Variants in CDC42BPA observed in about 807,000 individuals in gnomAD.
The protein encoded by CDC42BPA is CDC42 binding protein kinase alpha.
CDC42BPA carries 80 observed loss-of-function variants against 223.5 expected under a neutral mutation model. The observed-to-expected ratio is 0.36, with a 90% CI of 0.30 to 0.43. The LOEUF (loss-of-function observed/expected upper bound fraction) is 0.43, where lower values mean the gene tolerates loss of function less well. Among genes scored for constraint, CDC42BPA ranks in the 20% least tolerant of loss-of-function variants. The pLI is 1.00. For synonymous variants in CDC42BPA, 694 were observed against 718.6 expected (o/e 0.97, Z 0.55); for missense variants, 1,743 against 2,099.9 (o/e 0.83, Z 3.32).
At chr1:227,036,279 A>C (rs539538189) in intron 24 of CDC42BPA, among the ~76,000 whole-genome samples, 1 of 152,180 alleles carries the variant, frequency 6.6e-6, no homozygotes, top group Non-Finnish European at 1.5e-5. Flanking sequence ...AAAATCATCC[A>C]AACATCTCAA....
At chr1:227,218,508 T>A (rs1467701683) in intron 2 of CDC42BPA, among the ~76,000 whole-genome samples, 1 of 152,224 alleles carries the variant, frequency 6.6e-6, no homozygotes, top group Non-Finnish European at 1.5e-5. Context: ...TACACCAATC[T>A]AAAGCAGATT....
chr1:227,314,372 T>C (rs189981384), intron 1 of CDC42BPA, among the ~76,000 whole-genome samples: 9 of 152,222 alleles, frequency 5.9e-5, no homozygotes, highest in African/African-American at 1.9e-4. Context: ...CTAGTGATCA[T>C]TGGCTTAATC....
intron 16 of CDC42BPA, among the ~76,000 whole-genome samples, chr1:227,087,048 G>T (rs1033541706): frequency 6.6e-6 from 1 of 152,040 alleles, no homozygotes; most frequent in Non-Finnish European, 1.5e-5. Flanking sequence ...CCCCATCTGT[G>T]CACGTCTTTT....
chr1:227,317,926 TC>T lies in CDC42BPA; in HGVS notation c.-745del, dbSNP rs1327909771. The stretch of plus-strand genomic sequence containing the variant: ...TTCCGGTGAAAACTCTTCATTTTCC[TC>T]CCGGCTTCACCCTAGGGCCTGACCG... On this transcript the variant is annotated 5_prime_UTR_variant, in exon 1 of 37. Coordinates refer to ENST00000366766, the MANE Select transcript of CDC42BPA (RefSeq NM_001394014.1). 5 of 398,228 alleles carry T rather than the reference TC, an allele frequency of 1.3e-5. No individual in the cohort carries two copies. The highest frequency in any genetic ancestry group is 1.8e-5 in the Non-Finnish European group (4 of 225,924). 24.7% of individuals were successfully genotyped at this position (398,228 alleles called of 1,614,324 possible).
chr1:227,207,455 G>A (rs1353454625), intron 3 of CDC42BPA, among the ~76,000 whole-genome samples: 4 of 146,072 alleles, frequency 2.7e-5, no homozygotes, highest in Non-Finnish European at 6.0e-5. Context: ...ATGCTGGTGC[G>A]CTGCACCCAC....
chr1:227,179,635 C>CAAAAA (rs59744442), intron 5 of CDC42BPA, among the ~76,000 whole-genome samples: 3,743 of 34,182 alleles, frequency 0.11, 1,166 homozygotes, highest in Non-Finnish European at 0.12. Context: ...GCCTCCATCT[C>CAAAAA]AAAAAAAAAA....
At chr1:227,121,673 A>G (rs1004098932) in intron 11 of CDC42BPA, among the ~76,000 whole-genome samples, 1 of 152,160 alleles carries the variant, frequency 6.6e-6, no homozygotes, top group East Asian at 1.9e-4. Context: ...ACTGTATTTT[A>G]TCACTTTATC....
chr1:227,111,999 T>C, intron 14 of CDC42BPA: 1 of 199,988 alleles, frequency 5.0e-6, no homozygotes, highest in Non-Finnish European at 1.0e-5. Flanking sequence ...ATTTATGAGA[T>C]ATATAGAGGG....
chr1:227,209,669 G>T (rs1181359083), intron 3 of CDC42BPA, among the ~76,000 whole-genome samples: 7 of 148,682 alleles, frequency 4.7e-5, no homozygotes, highest in Admixed American at 4.0e-4. Context: ...TTATTGATTT[G>T]CGTATATTGA....
At chr1:227,182,017 G>A (rs1490375788) in intron 5 of CDC42BPA, among the ~76,000 whole-genome samples, 1 of 152,014 alleles carries the variant, frequency 6.6e-6, no homozygotes, top group Non-Finnish European at 1.5e-5. Flanking sequence ...TTAAATATAA[G>A]GGGAAAATGA....
At chr1:227,077,074 T>C (rs1679640507) in intron 17 of CDC42BPA, among the ~76,000 whole-genome samples, 2 of 152,210 alleles carry the variant, frequency 1.3e-5, no homozygotes, top group Admixed American at 6.5e-5. Context: ...ACTTATTAAA[T>C]ACTATTGCAT....
At chr1:227,015,825 C>G (rs1479901543) in intron 34 of CDC42BPA, among the ~76,000 whole-genome samples, 1 of 152,128 alleles carries the variant, frequency 6.6e-6, no homozygotes, top group Non-Finnish European at 1.5e-5. Flanking sequence ...CAATAGTAAA[C>G]CTAGGCATGG....
chr1:227,250,947 G>C (rs1255202792), intron 2 of CDC42BPA, among the ~76,000 whole-genome samples: 1 of 152,094 alleles, frequency 6.6e-6, no homozygotes, highest in Non-Finnish European at 1.5e-5. Context: ...TAGCTACCCA[G>C]GATGCTGAGG....
chr1:227,129,037 T>C, intron 11 of CDC42BPA, 72 bp downstream of exon 11: 2 of 1,012,734 alleles, frequency 2.0e-6, no homozygotes, highest in South Asian at 1.6e-5. Flanking sequence ...TCTCAATAGA[T>C]GTTTTTTGTG....
intron 2 of CDC42BPA, among the ~76,000 whole-genome samples, chr1:227,247,166 C>CTCTA (rs1251552248): frequency 6.6e-6 from 1 of 151,886 alleles, no homozygotes; most frequent in Non-Finnish European, 1.5e-5. Context: ...TGTCACTGCA[C>CTCTA]TCTAGCCTGG....
intron 3 of CDC42BPA, among the ~76,000 whole-genome samples, chr1:227,205,746 C>T (rs1672610581): frequency 6.6e-6 from 1 of 152,016 alleles, no homozygotes; most frequent in Non-Finnish European, 1.5e-5. Flanking sequence ...GAAAATTGAG[C>T]CTTAGAAAGG....
chr1:227,119,413 A>C (rs1232134697), intron 12 of CDC42BPA, among the ~76,000 whole-genome samples: 1 of 152,120 alleles, frequency 6.6e-6, no homozygotes, highest in Admixed American at 6.5e-5. Flanking sequence ...AATAAATTTT[A>C]AATTATAATA....
At chr1:227,066,070 A>T (rs1293826323) in intron 21 of CDC42BPA, among the ~76,000 whole-genome samples, 1 of 152,156 alleles carries the variant, frequency 6.6e-6, no homozygotes, top group East Asian at 1.9e-4. Context: ...GGCACAGAGA[A>T]CAACAGAGAC....
intron 3 of CDC42BPA, among the ~76,000 whole-genome samples, chr1:227,202,482 G>C (rs35160496): frequency 0.12 from 17,641 of 151,958 alleles, 1,243 homozygotes; most frequent in South Asian, 0.21. Flanking sequence ...AAACATTCTA[G>C]TTAGAATTTA....
Sources: gnomAD v4.1 joint callset for allele counts (sites outside exome capture counted in the v4.1 genomes callset) on GRCh38, gnomAD v4.1.1 for gene constraint, MANE v1.5 for transcripts, NCBI Gene and HGNC (gene_info 2026-07-23, HGNC 2026-07-21) for gene names.